PITHD1: variants seen among roughly 807,000 people sequenced by gnomAD.
The protein encoded by PITHD1 is PITH domain-containing protein 1.
A neutral mutation model predicts 27.5 loss-of-function variants in PITHD1; 8 were observed. That is an observed-to-expected ratio of 0.29 (90% confidence interval 0.17 to 0.52). PITHD1 has a LOEUF of 0.52. PITHD1 is among the 20% of genes least tolerant of loss of function. PITHD1 has a pLI of 0.96. For synonymous variants in PITHD1, 118 were observed against 106.8 expected (o/e 1.10, Z -0.64); for missense variants, 233 against 283.9 (o/e 0.82, Z 1.29).
Position 23,779,481 on chromosome 1 carries a change from C to G in PITHD1, c.242C>G (p.Pro81Arg), listed in dbSNP as rs1259589215. The G allele has an allele frequency of 6.2e-7, 1 of 1,610,000 alleles. No individual in the cohort carries two copies. The highest frequency in any genetic ancestry group is 8.5e-7 in the Non-Finnish European group (1 of 1,176,402). Reference sequence around the variant, plus strand: ...GATGAAGAGCTTCTGTTTAATATTCCGTAAGTATCTCCTTGGTGCCTACCT... The same window carrying G: ...GATGAAGAGCTTCTGTTTAATATTCGGTAAGTATCTCCTTGGTGCCTACCT... ...DADEELLFNI[P>R]FTGNVKLKGI... Residue 81 changes from proline to arginine, a missense_variant and splice_region_variant, in exon 2 of 6, where the codon CCA becomes CGA. Transcript: ENST00000246151.
intron 3 of PITHD1, among the ~76,000 whole-genome samples, chr1:23,780,606 G>A (rs769950190): frequency 2.0e-4 from 31 of 152,178 alleles, no homozygotes; most frequent in Non-Finnish European, 3.5e-4. Flanking sequence ...TATAGGCTGG[G>A]CACAGTGGCT....
intron 3 of PITHD1, among the ~76,000 whole-genome samples, chr1:23,783,327 A>C (rs906752139): frequency 9.4e-5 from 14 of 149,564 alleles, no homozygotes; most frequent in African/African-American, 3.4e-4. Flanking sequence ...ATATATATAT[A>C]CACATATATG....
intron 5 of PITHD1, among the ~76,000 whole-genome samples, chr1:23,786,652 A>G (rs900158008): frequency 1.3e-5 from 2 of 149,076 alleles, no homozygotes; most frequent in Admixed American, 1.3e-4. Context: ...ATATATATAT[A>G]TATCTCAGCT....
chr1:23,782,987 GTATTTTATTT>G lies in PITHD1; in HGVS notation c.321-2671_321-2662del, dbSNP rs368279605. ...TATTGTAAAATGGTATTAAATATAT[GTATTTTATTT>G]TATTTTATTTTATTTTTGAGACAGA... is the stretch of plus-strand genomic sequence containing the variant. On this transcript the variant is annotated intron_variant, in intron 3 of 5. Transcript: ENST00000246151. Among the ~76,000 whole-genome samples, 414 of 151,910 alleles carry G rather than the reference GTATTTTATTT, an allele frequency of 2.7e-3. 1 individual carries two copies. The highest frequency in any genetic ancestry group is 4.5e-3 in the Non-Finnish European group (304 of 67,936).
In PITHD1 at chr1:23,779,832, G is replaced by A. The variant is rs200698380; in HGVS notation, c.243-32G>A. The A allele has an allele frequency of 6.7e-4, 1,048 of 1,574,020 alleles. 11 individuals are homozygous for A. The South Asian group carries it at 9.6e-3, about 14-fold the overall frequency. On this transcript the variant is annotated intron_variant, in intron 2 of 5. Coordinates refer to ENST00000246151, the MANE Select transcript of PITHD1 (RefSeq NM_020362.5). ...CAACTAAACAGGTATTCAAACTCAGGTTTGACAACCTTCTCTTTTGCATTC... is the reference window on the plus strand; with the variant it reads ...CAACTAAACAGGTATTCAAACTCAGATTTGACAACCTTCTCTTTTGCATTC...
At chr1:23,785,886 G>T in intron 4 of PITHD1, 107 bp downstream of exon 4, 1 of 647,890 alleles carries the variant, frequency 1.5e-6, no homozygotes. Context: ...TTAAAACAGT[G>T]GAGGAGACTT....
chr1:23,779,921 A>T lies in PITHD1; in HGVS notation c.300A>T (p.Ser100=). The T allele has an allele frequency of 6.2e-7, 1 of 1,611,922 alleles. No homozygotes were observed. Among genetic ancestry groups the T allele is most frequent in the African/African-American group, 1.3e-5 (1 of 74,970 alleles). The change falls in exon 3 of 6, where the codon TCA becomes TCT. Residue 100 remains serine (S), a synonymous_variant. Coordinates refer to ENST00000246151, the MANE Select transcript of PITHD1 (RefSeq NM_020362.5). Reference sequence around the variant, plus strand: ...TTATAATGGGAGAGGATGATGACTCACACCCCTCTGAGATGAGACTGTAAG... The same window carrying T: ...TTATAATGGGAGAGGATGATGACTCTCACCCCTCTGAGATGAGACTGTAAG... ...GIIIMGEDDD[S]HPSEMRLYKN...
intron 3 of PITHD1, among the ~76,000 whole-genome samples, chr1:23,782,432 AAAAG>A (rs1266133725): frequency 6.6e-6 from 1 of 151,914 alleles, no homozygotes; most frequent in East Asian, 1.9e-4. Flanking sequence ...AGAAAAAAAA[AAAAG>A]AATTACCACT....
In PITHD1 at chr1:23,782,706, A is replaced by G. The variant is rs575215397; in HGVS notation, c.320+2765A>G. 5.3e-4 allele frequency among the ~76,000 whole-genome samples: 80 copies of G among 151,966 alleles called. No homozygotes were observed. In the South Asian group the frequency reaches 0.015, roughly 29 times the overall value. On this transcript the variant is annotated intron_variant, in intron 3 of 5. Transcript: ENST00000246151. ...AGCCTCGACCTCCTCAGTTCAAGCA[A>G]TCCTCCCACCGCAGCCTCCCAAGCA...
chr1:23,787,382 G>C lies in PITHD1; in HGVS notation c.*6G>C. 6.6e-7 allele frequency: 1 copy of C among 1,503,944 alleles called. No homozygotes were observed. The highest frequency in any genetic ancestry group is 9.2e-7 in the Non-Finnish European group (1 of 1,081,342). 93.2% of individuals were successfully genotyped at this position (1,503,944 alleles called of 1,614,324 possible). On this transcript the variant is annotated 3_prime_UTR_variant, in exon 6 of 6. Transcript: ENST00000246151. ...AGACACACTTTATTTCCTAAGGGCT[G>C]GCCAAGGCTCCCATAGAGGCGCTGT...
At position 23,786,709 on chromosome 1, in the gene PITHD1, C is replaced by T. The variant is rs376312159; in HGVS notation, c.534+286C>T. On this transcript the variant is annotated intron_variant, in intron 5 of 5. Coordinates refer to ENST00000246151, the MANE Select transcript of PITHD1 (RefSeq NM_020362.5). The stretch of plus-strand genomic sequence containing the variant: ...GGTTCAAGTGATTCTCCTGCCTCAG[C>T]CCCCCAAGTAGCTGGGATTACAGGT... 5.3e-5 allele frequency among the ~76,000 whole-genome samples: 8 copies of T among 151,282 alleles called. No individual in the cohort carries two copies. The East Asian group carries it at 5.8e-4, about 11-fold the overall frequency.
intron 3 of PITHD1, 142 bp downstream of exon 3, chr1:23,780,083 C>A (rs1638574155): frequency 4.9e-6 from 3 of 612,264 alleles, no homozygotes; most frequent in Admixed American, 5.8e-5. Context: ...TCTCATTCTG[C>A]ATTGGAATAC....
At chr1:23,783,223 T>G (rs777651940) in intron 3 of PITHD1, among the ~76,000 whole-genome samples, 17 of 150,750 alleles carry the variant, frequency 1.1e-4, no homozygotes, top group Non-Finnish European at 2.2e-4. Flanking sequence ...GGTCTCGATC[T>G]CCTGACCTTG....
chr1:23,782,628 GC>G (rs1246870174), intron 3 of PITHD1, among the ~76,000 whole-genome samples: 2 of 152,008 alleles, frequency 1.3e-5, no homozygotes, highest in African/African-American at 4.8e-5. Flanking sequence ...TTGAGATAGG[GC>G]CTTACTTTGT....
At chr1:23,779,649 A>G (rs1272292963) in intron 2 of PITHD1, 168 bp downstream of exon 2, 11 of 670,284 alleles carry the variant, frequency 1.6e-5, no homozygotes, top group Middle Eastern at 2.5e-4. Context: ...GCAGACTGGA[A>G]ACAGATGTAT....
chr1:23,783,968 G>T (rs1425399450), intron 3 of PITHD1, among the ~76,000 whole-genome samples: 1 of 152,070 alleles, frequency 6.6e-6, no homozygotes, highest in Non-Finnish European at 1.5e-5. Flanking sequence ...ACTTAGAATC[G>T]ATTCAATTTC....
chr1:23,786,440 A>G lies in PITHD1; in HGVS notation c.534+17A>G, dbSNP rs1223281806. On this transcript the variant is annotated intron_variant, in intron 5 of 5. Coordinates refer to ENST00000246151, the MANE Select transcript of PITHD1 (RefSeq NM_020362.5). ...TGGACTGAGGTAAGATGGGGTTGGA[A>G]AGGTTTTCCCCTCATGTCTACATAT... is the stretch of plus-strand genomic sequence containing the variant. The G allele has an allele frequency of 3.0e-6, 4 of 1,323,186 alleles. No homozygotes were observed. Among genetic ancestry groups the G allele is most frequent in the East Asian group, 4.6e-5 (2 of 43,076 alleles). The allele number at this position is 1,323,186 out of a possible 1,614,324, so 82.0% of individuals were successfully genotyped here. A position where few individuals can be genotyped will look rare whatever the true frequency, so the allele number is the denominator to read the frequency against.
In PITHD1 at chr1:23,778,445, T is replaced by G. The variant is rs1638541497; in HGVS notation, c.-71T>G. ...TTGCCGGAGCTGAACGGCGCGGAGC[T>G]GGTCTGAGGCGAGCCGAGCCGAGCG... On this transcript the variant is annotated 5_prime_UTR_variant, in exon 1 of 6. Coordinates refer to ENST00000246151, the MANE Select transcript of PITHD1 (RefSeq NM_020362.5). 1 of 1,055,306 alleles carries G rather than the reference T, an allele frequency of 9.5e-7. No individual in the cohort carries two copies. The highest frequency in any genetic ancestry group is 1.2e-6 in the Non-Finnish European group (1 of 828,182). 65.4% of individuals were successfully genotyped at this position (1,055,306 alleles called of 1,614,324 possible). A position where few individuals can be genotyped will look rare whatever the true frequency, so the allele number is the denominator to read the frequency against.
At chr1:23,785,929 T>G (rs1410252839) in intron 4 of PITHD1, 150 bp downstream of exon 4, 2 of 594,220 alleles carry the variant, frequency 3.4e-6, no homozygotes, top group Non-Finnish European at 6.1e-6. Flanking sequence ...TGGCAGAGAT[T>G]CAGTGCAAGC....
Sources: allele counts gnomAD v4.1 joint callset (sites outside exome capture counted in the v4.1 genomes callset), GRCh38; gene constraint gnomAD v4.1.1; transcripts MANE v1.5; gene names NCBI Gene and HGNC (gene_info 2026-07-23, HGNC 2026-07-21).